The following DLGAP2 variants were observed in gnomAD, a reference collection of about 807,000 sequenced individuals.
The protein encoded by DLGAP2 is DLG associated protein 2.
A neutral mutation model predicts 100.3 loss-of-function variants in DLGAP2; 26 were observed. The ratio of observed to expected loss-of-function variants is 0.26; its 90% CI spans 0.19 to 0.36. The LOEUF is 0.36. Among genes scored for constraint, DLGAP2 ranks in the 10% least tolerant of loss-of-function variants. The probability of loss-of-function intolerance (pLI) is 1.00; values close to 1 mark genes in which losing one functional copy is unlikely to be tolerated. For synonymous variants in DLGAP2, 886 were observed against 630.1 expected, an observed-to-expected ratio of 1.41 and a Z score of -6.08; for missense variants, 1,858 against 1,453.2, an observed-to-expected ratio of 1.28 and a Z score of -4.53.
At position 1,058,592 on chromosome 8, in the gene DLGAP2, CA is replaced by C. The variant is rs1802955144; in HGVS notation, c.73+150627del. Among the ~76,000 whole-genome samples the C allele has an allele frequency of 2.6e-5, 4 of 152,306 alleles. No individual in the cohort carries two copies. The East Asian group carries it at 7.7e-4, about 29-fold the overall frequency. On this transcript the variant is annotated intron_variant, in intron 2 of 14. Transcript: ENST00000637795. ...AAAGAGGAGATCAACTTGGAGGGAG[CA>C]GGGGGAAGCCTGGCTCATCACGGCT...
At chr8:1,535,162 C>T (rs535917617) in intron 4 of DLGAP2, among the ~76,000 whole-genome samples, 102 of 152,314 alleles carry the variant, frequency 6.7e-4, no homozygotes, top group Non-Finnish European at 1.1e-3. Context: ...GACAGATGCC[C>T]AGAAGTCCCC....
At chr8:1,408,384 C>G (rs1796635958) in intron 3 of DLGAP2, among the ~76,000 whole-genome samples, 1 of 152,190 alleles carries the variant, frequency 6.6e-6, no homozygotes, top group African/African-American at 2.4e-5. Context: ...CAGTTCCAGG[C>G]CCCAGCTCCA....
Position 1,097,595 on chromosome 8 carries a change from G to C in DLGAP2, c.74-161256G>C, listed in dbSNP as rs1040519365. ...GGCAGGCCTTCACCCTCTGTGGCAT[G>C]GAGAGGTCCCCTCCAGTGTGAGACC... On this transcript the variant is annotated intron_variant, in intron 2 of 14. Transcript: ENST00000637795. Among the ~76,000 whole-genome samples the C allele has an allele frequency of 5.1e-5, 7 of 137,344 alleles. 1 individual carries two copies. The highest frequency in any genetic ancestry group is 2.0e-4 in the African/African-American group (7 of 34,940). The allele number at this position is 137,344 out of a possible 152,430, so 90.1% of individuals were successfully genotyped here.
chr8:1,391,242 G>A (rs563973107), intron 3 of DLGAP2, among the ~76,000 whole-genome samples: 7 of 152,280 alleles, frequency 4.6e-5, no homozygotes, highest in South Asian at 4.1e-4. Context: ...TAGACATTAC[G>A]AGCTTCCAAA....
intron 6 of DLGAP2, among the ~76,000 whole-genome samples, chr8:1,626,419 G>C (rs1797499947): frequency 7.7e-6 from 1 of 130,530 alleles, no homozygotes; most frequent in Admixed American, 7.5e-5. Flanking sequence ...CCTGCAGCGG[G>C]TGCTCACCCT....
chr8:1,187,726 A>C (rs1196662175), intron 2 of DLGAP2, among the ~76,000 whole-genome samples: 9 of 141,342 alleles, frequency 6.4e-5, no homozygotes, highest in African/African-American at 2.4e-4. Flanking sequence ...ACGGAATCTC[A>C]CACGCCCGAG....
At chr8:1,151,328 A>G (rs1796692912) in intron 2 of DLGAP2, among the ~76,000 whole-genome samples, 1 of 152,236 alleles carries the variant, frequency 6.6e-6, no homozygotes, top group African/African-American at 2.4e-5. Flanking sequence ...GAAGCTCCAC[A>G]GTAAAAAGTG....
chr8:758,187 C>G lies in DLGAP2; in HGVS notation c.18+20362C>G, dbSNP rs184338216. 9.0e-3 allele frequency among the ~76,000 whole-genome samples: 1,368 copies of G among 152,276 alleles called. 16 individuals are homozygous for G. Among genetic ancestry groups the G allele is most frequent in the African/African-American group, 0.029 (1,212 of 41,546 alleles). On this transcript the variant is annotated intron_variant, in intron 1 of 14. Transcript: ENST00000637795. ...GGCCAGGTGGACAGTGAAGCCAGGA[C>G]TGATGGAGGGGCCCCTGTATTGTGA...
Position 758,166 on chromosome 8 carries a change from A to G in DLGAP2, c.18+20341A>G, listed in dbSNP as rs1032920901. On this transcript the variant is annotated intron_variant, in intron 1 of 14. Coordinates refer to ENST00000637795, the MANE Select transcript of DLGAP2 (RefSeq NM_001346810.2). Reference sequence around the variant, plus strand: ...GCCATCCCGAGGTTCCCTCATGGCCAGGTGGACAGTGAAGCCAGGACTGAT... The same window carrying G: ...GCCATCCCGAGGTTCCCTCATGGCCGGGTGGACAGTGAAGCCAGGACTGAT... Among the ~76,000 whole-genome samples, 6 of 152,370 alleles carry G rather than the reference A, an allele frequency of 3.9e-5. No homozygotes were observed. In the East Asian group the frequency reaches 1.2e-3, roughly 29 times the overall value.
At chr8:985,879 C>A (rs1800471972) in intron 2 of DLGAP2, among the ~76,000 whole-genome samples, 2 of 152,042 alleles carry the variant, frequency 1.3e-5, no homozygotes. Flanking sequence ...CCTGACAAAC[C>A]CCCTGTTTCA....
intron 2 of DLGAP2, among the ~76,000 whole-genome samples, chr8:1,182,624 G>A (rs1243639565): frequency 6.6e-6 from 1 of 152,226 alleles, no homozygotes; most frequent in Non-Finnish European, 1.5e-5. Flanking sequence ...GCTTTTGGCA[G>A]TTGTTGCCTG....
intron 1 of DLGAP2, among the ~76,000 whole-genome samples, chr8:789,626 C>T (rs924107458): frequency 3.3e-5 from 5 of 152,178 alleles, no homozygotes; most frequent in African/African-American, 1.2e-4. Flanking sequence ...TTTTGGGTAA[C>T]ATACTAGTAT....
intron 2 of DLGAP2, among the ~76,000 whole-genome samples, chr8:1,200,681 C>G (rs1797851581): frequency 6.6e-6 from 1 of 151,512 alleles, no homozygotes; most frequent in South Asian, 2.1e-4. Context: ...AGCGCACAGC[C>G]CTTGACCTTC....
At chr8:1,304,266 A>T (rs1224240074) in intron 3 of DLGAP2, among the ~76,000 whole-genome samples, 1 of 152,158 alleles carries the variant, frequency 6.6e-6, no homozygotes, top group Non-Finnish European at 1.5e-5. Flanking sequence ...GAGACACAGG[A>T]CACCGGCCAC....
chr8:1,567,770 CA>C (rs1195307377), intron 6 of DLGAP2, among the ~76,000 whole-genome samples: 3 of 152,192 alleles, frequency 2.0e-5, no homozygotes, highest in African/African-American at 7.2e-5. Context: ...TGAAACTCTT[CA>C]AAAAACCAGC....
intron 2 of DLGAP2, among the ~76,000 whole-genome samples, chr8:1,182,284 A>G (rs186214556): frequency 6.6e-6 from 1 of 152,372 alleles, no homozygotes; most frequent in African/African-American, 2.4e-5. Flanking sequence ...AGAAAAGGGC[A>G]AAGCTGTGTT....
chr8:833,427 T>A (rs1383911873), intron 1 of DLGAP2, among the ~76,000 whole-genome samples: 1 of 152,190 alleles, frequency 6.6e-6, no homozygotes, highest in African/African-American at 2.4e-5. Flanking sequence ...TGGGGGGACC[T>A]GTTTCTCAGC....
intron 2 of DLGAP2, among the ~76,000 whole-genome samples, chr8:1,158,197 A>G (rs969188835): frequency 6.6e-6 from 1 of 152,248 alleles, no homozygotes; most frequent in African/African-American, 2.4e-5. Flanking sequence ...TGCCAGTTTG[A>G]ATAAGCTATA....
At chr8:1,070,074 C>A (rs1803380603) in intron 2 of DLGAP2, among the ~76,000 whole-genome samples, 1 of 152,180 alleles carries the variant, frequency 6.6e-6, no homozygotes. Flanking sequence ...TTCTTTTCTC[C>A]AAATCACTAC....
Sources: gnomAD v4.1 joint callset for allele counts (sites outside exome capture counted in the v4.1 genomes callset) on GRCh38, gnomAD v4.1.1 for gene constraint, MANE v1.5 for transcripts, NCBI Gene and HGNC (gene_info 2026-07-23, HGNC 2026-07-21) for gene names.